Variants in KALRN observed in about 807,000 individuals in gnomAD.
KALRN encodes kalirin RhoGEF kinase.
In KALRN, 70 loss-of-function variants were observed where a neutral mutation model predicts 353.7. The observed-to-expected ratio is 0.20, with a 90% CI of 0.16 to 0.24. KALRN has a LOEUF of 0.24. KALRN is among the 10% of genes least tolerant of loss of function. The probability of loss-of-function intolerance (pLI) is 1.00; values close to 1 mark genes in which losing one functional copy is unlikely to be tolerated. For missense variants in KALRN, 2,791 were observed against 3,756.7 expected (o/e 0.74, Z 6.72); for synonymous variants, 1,391 against 1,434.8 (o/e 0.97, Z 0.69).
intron 1 of KALRN, among the ~76,000 whole-genome samples, chr3:124,179,226 A>G (rs2073216381): frequency 6.6e-6 from 1 of 152,264 alleles, no homozygotes; most frequent in Admixed American, 6.5e-5. Context: ...TGGCTCTGCA[A>G]AAATATTTTT....
chr3:124,427,988 A>G (rs1446576321), intron 15 of KALRN, among the ~76,000 whole-genome samples: 1 of 152,194 alleles, frequency 6.6e-6, no homozygotes, highest in Non-Finnish European at 1.5e-5. Flanking sequence ...TACAGATGAG[A>G]AAACTGAGCC....
chr3:124,491,266 T>G, intron 30 of KALRN, 57 bp from the exon 31 acceptor site: 14 of 926,098 alleles, frequency 1.5e-5, no homozygotes, highest in African/African-American at 3.4e-5. Flanking sequence ...ACCCCAGCCC[T>G]AAGTTTCCCC....
intron 3 of KALRN, among the ~76,000 whole-genome samples, chr3:124,254,927 C>T (rs1324988192): frequency 3.4e-5 from 5 of 149,250 alleles, no homozygotes; most frequent in African/African-American, 9.8e-5. Context: ...ACAGGCTGTT[C>T]CCTCTGTCTG....
chr3:124,141,124 C>A (rs561325886), intron 1 of KALRN, among the ~76,000 whole-genome samples: 3 of 152,128 alleles, frequency 2.0e-5, no homozygotes, highest in African/African-American at 7.2e-5. Flanking sequence ...CCCAGGGAAC[C>A]GGTCCTTCCT....
rs146363305 is a variant in KALRN at position 124,188,719 on chromosome 3, T to C, written c.74-39271T>C. ...AAGGTCTGAGATTTACCCTACCTGC[T>C]AGCTAACAAGTTAGCCTGCCACAGT... On this transcript the variant is annotated intron_variant, in intron 1 of 59. Coordinates refer to ENST00000682506, the MANE Select transcript of KALRN (RefSeq NM_001388419.1). Among the ~76,000 whole-genome samples the C allele has an allele frequency of 2.7e-3, 416 of 152,304 alleles. 2 individuals are homozygous for C. The highest frequency in any genetic ancestry group is 8.6e-3 in the African/African-American group (356 of 41,566).
At chr3:124,362,262 A>G (rs535660891) in intron 10 of KALRN, among the ~76,000 whole-genome samples, 297 of 152,382 alleles carry the variant, frequency 1.9e-3, no homozygotes, top group Non-Finnish European at 3.4e-3. Context: ...TTCTCTGCCA[A>G]TGAGCAACTG....
chr3:124,658,453 T>C lies in KALRN; in HGVS notation c.6059T>C (p.Val2020Ala). ...CAGGAGCGGAAGCTGCACATCTACG[T>C]GTGGTATTGTCAGAATAAGCCGCGC... ...IKHERKLHIY[V>A]WYCQNKPRSE... The change falls in exon 42 of 60, where the codon GTG (valine) becomes GCG (alanine). Residue 2020 changes from valine (V) to alanine (A), a missense_variant. By Grantham distance (64) the Val-to-Ala change is moderately conservative. Coordinates refer to ENST00000682506, the MANE Select transcript of KALRN (RefSeq NM_001388419.1). 1 of 1,613,742 alleles carries C rather than the reference T, an allele frequency of 6.2e-7. No individual in the cohort carries two copies. The highest frequency in any genetic ancestry group is 2.2e-5 in the East Asian group (1 of 44,866).
At position 124,631,907 on chromosome 3, in the gene KALRN, C is replaced by T. The variant is rs550515321; in HGVS notation, c.5183-513C>T. On this transcript the variant is annotated intron_variant, in intron 34 of 59. Coordinates refer to ENST00000682506, the MANE Select transcript of KALRN (RefSeq NM_001388419.1). ...GCCACCCCAGGCCTTGCCTTGGGAC[C>T]TTTGTGTTTGCTCTTCCGCCCAGAA... Among the ~76,000 whole-genome samples the T allele has an allele frequency of 4.6e-5, 7 of 152,326 alleles. No individual in the cohort carries two copies. In the East Asian group the frequency reaches 1.4e-3, roughly 29 times the overall value.
chr3:124,388,841 T>C (rs2088866389), intron 11 of KALRN, among the ~76,000 whole-genome samples: 1 of 152,220 alleles, frequency 6.6e-6, no homozygotes, highest in South Asian at 2.1e-4. Context: ...CTCTGTTTAA[T>C]ACCTCTCAAG....
intron 33 of KALRN, among the ~76,000 whole-genome samples, chr3:124,561,860 T>A (rs1231726495): frequency 1.3e-5 from 2 of 152,198 alleles, no homozygotes; most frequent in Non-Finnish European, 2.9e-5. Context: ...AGGGAGACTG[T>A]ACTTAGTTCT....
At chr3:124,135,082 G>A (rs553683112) in intron 1 of KALRN, among the ~76,000 whole-genome samples, 3 of 152,292 alleles carry the variant, frequency 2.0e-5, no homozygotes, top group East Asian at 1.9e-4. Flanking sequence ...CACACGCATG[G>A]TTATAGCAGC....
intron 10 of KALRN, among the ~76,000 whole-genome samples, chr3:124,377,039 A>C (rs189121129): frequency 1.3e-5 from 2 of 152,334 alleles, no homozygotes; most frequent in African/African-American, 4.8e-5. Context: ...GAGATTTTAT[A>C]GTGAGTTTTG....
At chr3:124,056,094 A>C (rs1331875810) in intron 1 of KALRN, among the ~76,000 whole-genome samples, 2 of 152,202 alleles carry the variant, frequency 1.3e-5, no homozygotes, top group African/African-American at 4.8e-5. Flanking sequence ...TATCTCTTCA[A>C]GCATCAGGAC....
chr3:124,208,591 C>G (rs1285278217), intron 1 of KALRN, among the ~76,000 whole-genome samples: 1 of 152,136 alleles, frequency 6.6e-6, no homozygotes, highest in Non-Finnish European at 1.5e-5. Flanking sequence ...GATGAAGAAG[C>G]CCTGTTCTCC....
intron 1 of KALRN, among the ~76,000 whole-genome samples, chr3:124,124,356 A>G (rs1030543315): frequency 3.9e-5 from 6 of 152,216 alleles, no homozygotes; most frequent in Non-Finnish European, 7.3e-5. Context: ...AATTATTGCA[A>G]TCTCATGATG....
At chr3:124,555,093 G>C (rs139589329) in intron 33 of KALRN, among the ~76,000 whole-genome samples, 5 of 152,088 alleles carry the variant, frequency 3.3e-5, no homozygotes, top group Non-Finnish European at 2.9e-5. Context: ...CCACCTGTAG[G>C]TCCATCCTCA....
At chr3:124,148,316 AG>A (rs2067642944) in intron 1 of KALRN, among the ~76,000 whole-genome samples, 2 of 152,320 alleles carry the variant, frequency 1.3e-5, no homozygotes, top group Admixed American at 1.3e-4. Flanking sequence ...ATAACTGGGA[AG>A]GGGCACCAGT....
intron 32 of KALRN, among the ~76,000 whole-genome samples, chr3:124,495,961 G>GTATCTATATA (rs1247326841): frequency 2.6e-5 from 1 of 37,894 alleles, no homozygotes; most frequent in Admixed American, 3.1e-4. Flanking sequence ...GTATGTGTAT[G>GTATCTATATA]TATGTATATA....
intron 47 of KALRN, 68 bp downstream of exon 47, chr3:124,667,251 G>A: frequency 7.1e-7 from 1 of 1,404,994 alleles, no homozygotes; most frequent in Non-Finnish European, 9.7e-7. Flanking sequence ...GCTTCCTTGG[G>A]TCTAGGTTCA....
Sources: allele counts gnomAD v4.1 joint callset (sites outside exome capture counted in the v4.1 genomes callset), GRCh38; gene constraint gnomAD v4.1.1; transcripts MANE v1.5; gene names NCBI Gene and HGNC (gene_info 2026-07-23, HGNC 2026-07-21).